S100B: variants seen among roughly 807,000 people sequenced by gnomAD.
S100B encodes protein S100-B.
Under a neutral mutation model 7.7 loss-of-function variants are expected in S100B, and 6 were observed. The observed-to-expected ratio is 0.78, with a 90% CI of 0.43 to 1.54. The LOEUF (loss-of-function observed/expected upper bound fraction) is 1.54, where lower values mean the gene tolerates loss of function less well. Among genes scored for constraint, S100B ranks in the 40% most tolerant of loss-of-function variants. S100B has a pLI of 0.01. For synonymous variants in S100B, 36 were observed against 40.4 expected (o/e 0.89, Z 0.41); for missense variants, 99 against 111.8 (o/e 0.89, Z 0.52).
intron 1 of S100B, among the ~76,000 whole-genome samples, chr21:46,603,505 T>C (rs1295435667): frequency 6.6e-6 from 1 of 150,590 alleles, no homozygotes. Flanking sequence ...AAATATCTGG[T>C]CAGTCTGGGA....
At chr21:46,601,082 T>C (rs1440732304) in intron 2 of S100B, among the ~76,000 whole-genome samples, 2 of 151,960 alleles carry the variant, frequency 1.3e-5, no homozygotes, top group Non-Finnish European at 2.9e-5. Context: ...TGGGGCAGTG[T>C]TTGGTGGGAG....
intron 2 of S100B, among the ~76,000 whole-genome samples, chr21:46,601,355 C>T (rs537135458): frequency 5.9e-5 from 9 of 152,270 alleles, no homozygotes; most frequent in South Asian, 2.1e-4. Flanking sequence ...CCCTTCACTA[C>T]GTTTCATATG....
At chr21:46,602,066 C>T (rs2061042658) in intron 2 of S100B, among the ~76,000 whole-genome samples, 1 of 152,132 alleles carries the variant, frequency 6.6e-6, no homozygotes, top group Middle Eastern at 3.2e-3. Flanking sequence ...CTACTGTACA[C>T]AAGATGGTTG....
intron 1 of S100B, among the ~76,000 whole-genome samples, chr21:46,603,392 A>AGGGGGTGGGGGGTGGGGGGGGCGGG (rs796474856): frequency 2.4e-4 from 9 of 38,226 alleles, no homozygotes; most frequent in African/African-American, 7.2e-4. Flanking sequence ...GGACGGCGGG[A>AGGGGGTGGGGGGTGGGGGGGGCGGG]GGGGGTGGGG....
chr21:46,600,337 G>A (rs538398890), intron 2 of S100B: 5 of 434,094 alleles, frequency 1.2e-5, no homozygotes, highest in African/African-American at 6.1e-5. Flanking sequence ...AGCACAGGAA[G>A]TTTGAGACCA....
intron 2 of S100B, chr21:46,600,390 TA>T (rs372361057): frequency 2.3e-5 from 10 of 442,096 alleles, no homozygotes; most frequent in African/African-American, 1.4e-4. Flanking sequence ...AAAGAAAAAA[TA>T]AAACAATTAG....
At chr21:46,601,631 C>T (rs2061041572) in intron 2 of S100B, among the ~76,000 whole-genome samples, 3 of 152,210 alleles carry the variant, frequency 2.0e-5, no homozygotes, top group South Asian at 4.1e-4. Flanking sequence ...CACACAGCTT[C>T]CTAAAGTAGG....
chr21:46,599,583 ACT>A (rs1435906670), intron 2 of S100B, 80 bp from the exon 3 acceptor site: 20 of 1,253,134 alleles, frequency 1.6e-5, no homozygotes, highest in Admixed American at 3.5e-5. Flanking sequence ...AAGTTGAGTG[ACT>A]CTGATAATTT....
At chr21:46,604,524 C>T (rs142448646) in intron 1 of S100B, among the ~76,000 whole-genome samples, 187 of 152,186 alleles carry the variant, frequency 1.2e-3, no homozygotes, top group African/African-American at 4.2e-3. Flanking sequence ...GCTGTGGGGA[C>T]CCTGGCACTT....
At chr21:46,599,636 G>C (rs1359374587) in intron 2 of S100B, 133 bp from the exon 3 acceptor site, 1 of 835,810 alleles carries the variant, frequency 1.2e-6, no homozygotes, top group East Asian at 2.4e-5. Flanking sequence ...CAAAATATCA[G>C]AAAAGATGTC....
intron 2 of S100B, among the ~76,000 whole-genome samples, 180 bp downstream of exon 2, chr21:46,602,098 G>T (rs988844359): frequency 2.0e-5 from 3 of 152,172 alleles, no homozygotes; most frequent in African/African-American, 7.2e-5. Flanking sequence ...AAAACAAGGG[G>T]CTCATTTGAG....
intron 2 of S100B, among the ~76,000 whole-genome samples, chr21:46,601,829 T>C (rs2061042114): frequency 6.6e-6 from 1 of 152,232 alleles, no homozygotes; most frequent in Non-Finnish European, 1.5e-5. Context: ...CCTGCATATC[T>C]CACAGTTCTT....
rs78803834 is a variant in S100B, at chr21:46,600,522, G to A, written c.139-1019C>T. ...ATTGCACCACTGCACTCCAACCTGG[G>A]TGACTGAGCAAGACCTTATCTCAAA... is the stretch of plus-strand genomic sequence containing the variant. On this transcript the variant is annotated intron_variant, in intron 2 of 2. Coordinates refer to ENST00000291700, the MANE Select transcript of S100B (RefSeq NM_006272.3). 1,883 of 308,184 alleles carry A rather than the reference G, an allele frequency of 6.1e-3. 14 individuals carry two copies. Among genetic ancestry groups the A allele is most frequent in the Admixed American group, 0.012 (266 of 21,780 alleles). The allele number at this position is 308,184 out of a possible 1,614,324, so 19.1% of individuals were successfully genotyped here.
At position 46,599,165 on chromosome 21, in the gene S100B, T is replaced by C. The variant is rs766118468; in HGVS notation, c.*198A>G. ...AGTCAGCTTACACACAGGCCTAATA[T>C]AGCAGAAAGAATGATGCAGGCCGTT... On this transcript the variant is annotated 3_prime_UTR_variant, in exon 3 of 3. Coordinates refer to ENST00000291700, the MANE Select transcript of S100B (RefSeq NM_006272.3). 5.0e-6 allele frequency: 3 copies of C among 599,118 alleles called. No individual in the cohort carries two copies. The highest frequency in any genetic ancestry group is 2.8e-5 in the East Asian group (1 of 35,670). The allele number at this position is 599,118 out of a possible 1,614,324, so 37.1% of individuals were successfully genotyped here.
chr21:46,603,395 G>GGGTGGGGGGAGGGGGGGGCGGGGGGGGGT, intron 1 of S100B, among the ~76,000 whole-genome samples: 1 of 140,256 alleles, frequency 7.1e-6, no homozygotes. Flanking sequence ...CGGCGGGAGG[G>GGGTGGGGGGAGGGGGGGGCGGGGGGGGGT]GGTGGGGGCA....
chr21:46,604,579 C>A (rs780758975), intron 1 of S100B, among the ~76,000 whole-genome samples: 4 of 152,002 alleles, frequency 2.6e-5, no homozygotes, highest in Non-Finnish European at 5.9e-5. Flanking sequence ...TTACCCAGGG[C>A]GGTGGAAGAA....
intron 2 of S100B, chr21:46,600,383 G>T: frequency 2.3e-6 from 1 of 442,136 alleles, no homozygotes. Context: ...TCTCTACAAA[G>T]AAAAAATAAA....
At position 46,598,650 on chromosome 21, in the gene S100B, C is replaced by T. The variant is rs772275072; in HGVS notation, c.*713G>A. Among the ~76,000 whole-genome samples the T allele has an allele frequency of 2.6e-4, 40 of 152,230 alleles. No individual in the cohort carries two copies. The highest frequency in any genetic ancestry group is 1.6e-3 in the Admixed American group (25 of 15,290). ...TTGAACGCAGGCCCTCGCGGTGGCT[C>T]AGAGCCCCCGGTAGTGCCCTCGGAA... On this transcript the variant is annotated 3_prime_UTR_variant, in exon 3 of 3. Transcript: ENST00000291700.
At chr21:46,602,129 C>A (rs947513427) in intron 2 of S100B, 149 bp downstream of exon 2, 48 of 678,968 alleles carry the variant, frequency 7.1e-5, no homozygotes, top group Non-Finnish European at 1.1e-4. Flanking sequence ...ACTGAGGGTT[C>A]CGTTACTCAA....
Sources: allele counts gnomAD v4.1 joint callset (sites outside exome capture counted in the v4.1 genomes callset), GRCh38; gene constraint gnomAD v4.1.1; transcripts MANE v1.5; gene names NCBI Gene and HGNC (gene_info 2026-07-23, HGNC 2026-07-21).